The following NTM variants were observed in gnomAD, a reference collection of about 807,000 sequenced individuals.
NTM encodes IgLON family member 2.
A neutral mutation model predicts 42.1 loss-of-function variants in NTM; 13 were observed. The observed-to-expected ratio is 0.31, with a 90% confidence interval of 0.20 to 0.49. The LOEUF (loss-of-function observed/expected upper bound fraction) is 0.49. Ranked by LOEUF, NTM falls within the 20% of genes least tolerant of loss-of-function variation. The pLI is 0.99. For missense variants in NTM, 373 were observed against 452.8 expected (o/e 0.82, Z 1.60); for synonymous variants, 187 against 179.2 (o/e 1.04, Z -0.35).
At chr11:132,027,608 A>G (rs1255340643) in intron 2 of NTM, among the ~76,000 whole-genome samples, 2 of 152,174 alleles carry the variant, frequency 1.3e-5, no homozygotes, top group South Asian at 2.1e-4. Flanking sequence ...GAGAAGTCCA[A>G]TGTAATTCTT....
chr11:131,458,982 CA>C (rs1951141752), intron 1 of NTM, among the ~76,000 whole-genome samples: 1 of 152,262 alleles, frequency 6.6e-6, no homozygotes, highest in Non-Finnish European at 1.5e-5. Context: ...TGATTTCATT[CA>C]ATCATGTCCA....
At chr11:131,842,029 C>T (rs931067280) in intron 1 of NTM, among the ~76,000 whole-genome samples, 7 of 152,328 alleles carry the variant, frequency 4.6e-5, no homozygotes, top group Admixed American at 1.3e-4. Flanking sequence ...ACCAGAGAAA[C>T]GTATGGATCA....
chr11:132,311,303 G>C (rs2095272789), intron 6 of NTM, among the ~76,000 whole-genome samples: 1 of 151,992 alleles, frequency 6.6e-6, no homozygotes, highest in South Asian at 2.1e-4. Context: ...AGATTCACTG[G>C]GTTTTATCAT....
At chr11:131,643,199 A>C (rs1170804507) in intron 1 of NTM, among the ~76,000 whole-genome samples, 2 of 152,232 alleles carry the variant, frequency 1.3e-5, no homozygotes, top group Non-Finnish European at 2.9e-5. Context: ...ACTTTAGCAA[A>C]ACAAAGCATG....
intron 4 of NTM, among the ~76,000 whole-genome samples, chr11:132,254,496 C>G (rs1394446329): frequency 6.6e-6 from 1 of 152,054 alleles, no homozygotes; most frequent in Non-Finnish European, 1.5e-5. Context: ...GCTCAGTCCT[C>G]CTAAGTGTCT....
intron 1 of NTM, among the ~76,000 whole-genome samples, chr11:131,632,884 A>G (rs1204184485): frequency 2.0e-5 from 3 of 147,296 alleles, no homozygotes; most frequent in Non-Finnish European, 4.4e-5. Context: ...CGTGTTAGCC[A>G]GGATGGTCTC....
chr11:131,952,484 C>T (rs2061118909), intron 2 of NTM, among the ~76,000 whole-genome samples: 1 of 152,180 alleles, frequency 6.6e-6, no homozygotes, highest in Non-Finnish European at 1.5e-5. Flanking sequence ...TGCATACATA[C>T]TTATGGGCAT....
intron 1 of NTM, among the ~76,000 whole-genome samples, chr11:131,424,872 T>TA (rs1947955385): frequency 1.4e-5 from 2 of 146,502 alleles, no homozygotes; most frequent in South Asian, 4.3e-4. Context: ...CCCAGCTTTT[T>TA]TTTTTTTTAT....
chr11:131,608,643 C>T (rs566272343), intron 1 of NTM, among the ~76,000 whole-genome samples: 18 of 75,774 alleles, frequency 2.4e-4, no homozygotes, highest in Non-Finnish European at 5.2e-4. Flanking sequence ...CATGTCCATT[C>T]CCGCCTTTCT....
intron 1 of NTM, among the ~76,000 whole-genome samples, chr11:131,848,278 A>G (rs2045155857): frequency 6.6e-6 from 1 of 152,256 alleles, no homozygotes; most frequent in Non-Finnish European, 1.5e-5. Context: ...TAACAGCTGT[A>G]GATGAAGACA....
At chr11:132,031,495 A>G (rs1304920531) in intron 2 of NTM, among the ~76,000 whole-genome samples, 2 of 152,214 alleles carry the variant, frequency 1.3e-5, no homozygotes, top group Non-Finnish European at 2.9e-5. Context: ...TTTCAGGTAG[A>G]GTTTCGAGAA....
chr11:132,049,405 C>A lies in NTM; in HGVS notation c.168-96877C>A, dbSNP rs113229801. Among the ~76,000 whole-genome samples the A allele has an allele frequency of 5.9e-5, 9 of 152,292 alleles. 1 individual carries two copies. The highest frequency in any genetic ancestry group is 2.2e-4 in the African/African-American group (9 of 41,566). On this transcript the variant is annotated intron_variant, in intron 2 of 8. Transcript: ENST00000683400. ...TGAGGAGGGAGCCACACCCTTTCAT[C>A]CATGCCAGTCTCCTCCCTGGAAGAG...
chr11:131,634,397 GAA>G (rs56158370), intron 1 of NTM, among the ~76,000 whole-genome samples: 164 of 146,838 alleles, frequency 1.1e-3, no homozygotes, highest in South Asian at 3.9e-3. Flanking sequence ...AAGCCCCCTG[GAA>G]AAAAAAAAAA....
chr11:131,708,747 C>A (rs1160686359), intron 1 of NTM, among the ~76,000 whole-genome samples: 1 of 152,056 alleles, frequency 6.6e-6, no homozygotes, highest in African/African-American at 2.4e-5. Flanking sequence ...GGGCATAAAT[C>A]CTGAAATACC....
intron 1 of NTM, among the ~76,000 whole-genome samples, chr11:131,907,814 T>C (rs1318481474): frequency 2.0e-5 from 3 of 152,226 alleles, no homozygotes; most frequent in African/African-American, 7.2e-5. Context: ...CAGCAGTTTT[T>C]ATGAAGCAGG....
chr11:131,938,059 G>A (rs1424804521), intron 2 of NTM, among the ~76,000 whole-genome samples: 5 of 152,002 alleles, frequency 3.3e-5, no homozygotes, highest in Non-Finnish European at 7.4e-5. Context: ...AACACGTATC[G>A]GGTGCTTACT....
At chr11:131,983,556 A>T (rs1318248238) in intron 2 of NTM, among the ~76,000 whole-genome samples, 1 of 151,736 alleles carries the variant, frequency 6.6e-6, no homozygotes, top group African/African-American at 2.4e-5. Context: ...TTTTATTTTT[A>T]TTAGAGATGG....
intron 2 of NTM, among the ~76,000 whole-genome samples, chr11:132,070,564 C>T (rs1172565912): frequency 1.6e-5 from 2 of 122,104 alleles, no homozygotes; most frequent in South Asian, 3.2e-4. Context: ...TTAGTTAACA[C>T]GTCACACAGC....
chr11:132,043,435 A>G (rs970356271), intron 2 of NTM, among the ~76,000 whole-genome samples: 2 of 152,230 alleles, frequency 1.3e-5, no homozygotes, highest in Non-Finnish European at 2.9e-5. Context: ...CCAACTGTCA[A>G]GAGCTCATCA....
Sources: gnomAD v4.1 joint callset for allele counts (sites outside exome capture counted in the v4.1 genomes callset) on GRCh38, gnomAD v4.1.1 for gene constraint, MANE v1.5 for transcripts, NCBI Gene and HGNC (gene_info 2026-07-23, HGNC 2026-07-21) for gene names.